Variants in OSBPL5 observed in about 807,000 individuals in gnomAD.
OSBPL5 encodes the protein oxysterol binding protein like 5.
A neutral mutation model predicts 111.2 loss-of-function variants in OSBPL5; 71 were observed. That is an observed-to-expected ratio of 0.64 (90% confidence interval 0.53 to 0.78). The LOEUF is 0.78. OSBPL5 is among the 30% of genes least tolerant of loss of function. The pLI is 0.00. For synonymous variants in OSBPL5, 549 were observed against 513.9 expected, an observed-to-expected ratio of 1.07 and a Z score of -0.93; for missense variants, 1,210 against 1,189.3, an observed-to-expected ratio of 1.02 and a Z score of -0.26.
intron 7 of OSBPL5, among the ~76,000 whole-genome samples, chr11:3,118,731 C>T (rs1858297386): frequency 6.6e-6 from 1 of 151,920 alleles, no homozygotes; most frequent in South Asian, 2.1e-4. Flanking sequence ...ACCACCATGC[C>T]CAGCTAATTT....
intron 11 of OSBPL5, 112 bp downstream of exon 11, chr11:3,103,127 G>T: frequency 1.1e-6 from 1 of 906,946 alleles, no homozygotes. Flanking sequence ...ATCCTTCTAA[G>T]CCATGTGGGG....
At chr11:3,118,877 TA>T (rs974008364) in intron 7 of OSBPL5, among the ~76,000 whole-genome samples, 24 of 151,260 alleles carry the variant, frequency 1.6e-4, no homozygotes, top group Non-Finnish European at 3.1e-4. Context: ...CCTGGCAAAA[TA>T]AACTTTCTAA....
At chr11:3,093,718 G>A (rs775223527) in intron 16 of OSBPL5, 28 bp downstream of exon 16, 3 of 1,612,590 alleles carry the variant, frequency 1.9e-6, no homozygotes, top group Admixed American at 1.7e-5. Flanking sequence ...CCGCCCGGCC[G>A]TGCCTGCCCT....
At chr11:3,093,985 AC>A in intron 15 of OSBPL5, 150 bp from the exon 16 acceptor site, 1 of 976,932 alleles carries the variant, frequency 1.0e-6, no homozygotes, top group Non-Finnish European at 1.5e-6. Context: ...GGCCTTCGGG[AC>A]CCCCACGCCT....
chr11:3,106,890 C>T lies in OSBPL5; in HGVS notation c.1059+373G>A, dbSNP rs534974640. Among the ~76,000 whole-genome samples, 7 of 152,318 alleles carry T rather than the reference C, an allele frequency of 4.6e-5. No individual in the cohort carries two copies. In the East Asian group the frequency reaches 9.7e-4, roughly 21 times the overall value. ...TGTGAGCATGGGACTCAGGTCCACA[C>T]GCCCTCCTCTGCGCTCCTCCAGGAA... On this transcript the variant is annotated intron_variant, in intron 9 of 21. Transcript: ENST00000263650. This position sits in a 1 kb window ranked among gnomAD's most constrained non-coding sequence, Gnocchi z 8.4.
intron 15 of OSBPL5, 86 bp from the exon 16 acceptor site, chr11:3,093,921 T>G (rs1375495673): frequency 1.3e-6 from 2 of 1,485,764 alleles, no homozygotes; most frequent in African/African-American, 2.8e-5. Flanking sequence ...GGAACAGTTA[T>G]TCTCTTGGGG....
rs1857659243 is a variant in OSBPL5, at chr11:3,105,420, C to T, written c.1060-1043G>A. Among the ~76,000 whole-genome samples, 1 of 152,132 alleles carries T rather than the reference C, an allele frequency of 6.6e-6. No individual in the cohort carries two copies. The highest frequency in any genetic ancestry group is 2.4e-5 in the African/African-American group (1 of 41,432). On this transcript the variant is annotated intron_variant, in intron 9 of 21. Transcript: ENST00000263650. This position sits in a 1 kb window ranked among gnomAD's most constrained non-coding sequence, Gnocchi z 5.2. Reference sequence around the variant, plus strand: ...GTGGACACCCAGGAGCCATGTCTGACCCCATGAGGGGTCATGGGGAGCCCA... The same window carrying T: ...GTGGACACCCAGGAGCCATGTCTGATCCCATGAGGGGTCATGGGGAGCCCA...
intron 10 of OSBPL5, 102 bp from the exon 11 acceptor site, chr11:3,103,422 A>T (rs1241230914): frequency 1.9e-6 from 2 of 1,067,730 alleles, no homozygotes; most frequent in Non-Finnish European, 2.7e-6. Context: ...CCAACCACTC[A>T]GCTGGAAACA....
chr11:3,102,074 C>T (rs999260285), intron 12 of OSBPL5, 109 bp downstream of exon 12: 22 of 1,151,186 alleles, frequency 1.9e-5, no homozygotes, highest in South Asian at 1.5e-4. Context: ...CCCTGGAAGC[C>T]GGCCCTCGGG....
intron 1 of OSBPL5, among the ~76,000 whole-genome samples, chr11:3,147,675 T>C (rs1312198717): frequency 1.3e-5 from 2 of 152,122 alleles, no homozygotes; most frequent in Admixed American, 6.5e-5. Flanking sequence ...CAATATCTGC[T>C]GGAAGAGAGG....
intron 17 of OSBPL5, 171 bp downstream of exon 17, chr11:3,093,356 T>C: frequency 9.2e-7 from 1 of 1,088,860 alleles, no homozygotes; most frequent in Non-Finnish European, 1.3e-6. Flanking sequence ...ACCCCTTCCC[T>C]CCATCTGTCC....
At chr11:3,127,378 T>C (rs1466693379) in intron 2 of OSBPL5, among the ~76,000 whole-genome samples, 1 of 152,198 alleles carries the variant, frequency 6.6e-6, no homozygotes, top group Non-Finnish European at 1.5e-5. Flanking sequence ...ACAGACCAGC[T>C]GGAAGGCCTG....
intron 1 of OSBPL5, among the ~76,000 whole-genome samples, chr11:3,163,788 GCCTC>G (rs1397567172): frequency 6.6e-6 from 1 of 152,216 alleles, no homozygotes; most frequent in East Asian, 1.9e-4. Flanking sequence ...CGCGGTGCCT[GCCTC>G]CTGGCACCCC....
chr11:3,162,061 A>G lies in OSBPL5; in HGVS notation c.-22+3155T>C, dbSNP rs931793703. ...GGCCTGTGGGGTCTGGAAAGGGGTC[A>G]GGACTTACTGAGACCCATGGCAAAT... On this transcript the variant is annotated intron_variant, in intron 1 of 21. Coordinates refer to ENST00000263650, the MANE Select transcript of OSBPL5 (RefSeq NM_020896.4). This position sits in a 1 kb window ranked among gnomAD's most constrained non-coding sequence, Gnocchi z 8.1. 3.9e-5 allele frequency among the ~76,000 whole-genome samples: 6 copies of G among 152,182 alleles called. No homozygotes were observed. Among genetic ancestry groups the G allele is most frequent in the Admixed American group, 1.3e-4 (2 of 15,284 alleles).
At chr11:3,123,531 G>A (rs1186080990) in intron 3 of OSBPL5, among the ~76,000 whole-genome samples, 1 of 152,230 alleles carries the variant, frequency 6.6e-6, no homozygotes, top group Non-Finnish European at 1.5e-5. Flanking sequence ...GCGCCGCGGC[G>A]GGGCCTAAAT....
In OSBPL5 at chr11:3,110,901, G is replaced by A. The variant is rs1753450520; in HGVS notation, c.692-2956C>T. Among the ~76,000 whole-genome samples, 1 of 152,150 alleles carries A rather than the reference G, an allele frequency of 6.6e-6. No individual in the cohort carries two copies. Among genetic ancestry groups the A allele is most frequent in the South Asian group, 2.1e-4 (1 of 4,830 alleles). ...TCTGACCACCCTGGGCACATCGTCA[G>A]GACCTCCTGAGGCTGTGTCACAGGT... On this transcript the variant is annotated intron_variant, in intron 7 of 21. Transcript: ENST00000263650. The surrounding 1 kb of genome is among the most constrained non-coding windows in gnomAD (Gnocchi z 5.3).
At chr11:3,103,456 G>T in intron 10 of OSBPL5, 136 bp from the exon 11 acceptor site, 1 of 706,862 alleles carries the variant, frequency 1.4e-6, no homozygotes, top group Non-Finnish European at 2.4e-6. Flanking sequence ...AGGCGCTCTG[G>T]TCACCCCCAA....
In OSBPL5 at chr11:3,121,997, CT is replaced by C; in HGVS notation, c.401del (p.Lys134ArgfsTer6). The C allele has an allele frequency of 6.4e-7, 1 of 1,562,166 alleles. No individual in the cohort carries two copies. Among genetic ancestry groups the C allele is most frequent in the Non-Finnish European group, 8.6e-7 (1 of 1,157,830 alleles). On this transcript the variant is annotated frameshift_variant and splice_region_variant, in exon 5 of 22. Transcript: ENST00000263650. LOFTEE classifies it high-confidence loss of function. The surrounding 1 kb of genome is among the most constrained non-coding windows in gnomAD (Gnocchi z 4.3). ...TGGCCGGAGGCCGGGCATCACCTAC[CT>C]TCAGGCTGTCAGCCATGATGACCAC... ...PSVVIMADSLKIRGTLKSWTK... is the reference protein window; with the variant it reads ...PSVVIMADSLXIRGTLKSWTK...
At chr11:3,101,558 G>T (rs74587114) in intron 13 of OSBPL5, 45 bp downstream of exon 13, 1 of 1,547,186 alleles carries the variant, frequency 6.5e-7, no homozygotes. Context: ...CCCGACCATC[G>T]CATTTCCCTG....
Sources: gnomAD v4.1 joint callset for allele counts (sites outside exome capture counted in the v4.1 genomes callset) on GRCh38, gnomAD v4.1.1 for gene constraint, Gnocchi (gnomAD v3.1) non-coding constraint, MANE v1.5 for transcripts, NCBI Gene and HGNC (gene_info 2026-07-23, HGNC 2026-07-21) for gene names.